Variants in HAO1 observed in about 807,000 individuals in gnomAD.
The protein encoded by HAO1 is hydroxyacid oxidase 1.
A neutral mutation model predicts 39.7 loss-of-function variants in HAO1; 34 were observed. The observed-to-expected ratio is 0.86, with a 90% CI of 0.65 to 1.14. The LOEUF is 1.14. HAO1 is among the 50% of genes most tolerant of loss of function. The pLI is 0.00. For missense variants in HAO1, 479 were observed against 464.5 expected (o/e 1.03, Z -0.29); for synonymous variants, 172 against 173.2 (o/e 0.99, Z 0.05).
intron 5 of HAO1, among the ~76,000 whole-genome samples, chr20:7,890,395 G>A (rs1374635787): frequency 6.6e-6 from 1 of 152,028 alleles, no homozygotes; most frequent in African/African-American, 2.4e-5. Flanking sequence ...TGTGTATTTA[G>A]TAGAAGCAGT....
intron 4 of HAO1, among the ~76,000 whole-genome samples, chr20:7,904,091 T>C (rs574476673): frequency 6.6e-6 from 1 of 152,356 alleles, no homozygotes; most frequent in Non-Finnish European, 1.5e-5. Flanking sequence ...CCTCCTTCTT[T>C]GTTCCTTATT....
intron 3 of HAO1, among the ~76,000 whole-genome samples, chr20:7,910,420 C>T (rs2050273622): frequency 6.6e-6 from 1 of 152,130 alleles, no homozygotes; most frequent in South Asian, 2.1e-4. Flanking sequence ...TATTACAGTT[C>T]CAAATGTCAG....
At chr20:7,927,571 TA>T (rs763836590) in intron 2 of HAO1, among the ~76,000 whole-genome samples, 48 of 149,872 alleles carry the variant, frequency 3.2e-4, no homozygotes, top group Non-Finnish European at 3.8e-4. Flanking sequence ...ATTTTTCAGT[TA>T]TTTTTTTCCA....
At chr20:7,884,969 G>A (rs1311572746) in intron 7 of HAO1, among the ~76,000 whole-genome samples, 1 of 152,196 alleles carries the variant, frequency 6.6e-6, no homozygotes, top group African/African-American at 2.4e-5. Context: ...GGCGGTGGCA[G>A]TGGAGATGAC....
At chr20:7,921,118 A>G (rs1217997103) in intron 2 of HAO1, among the ~76,000 whole-genome samples, 1 of 152,078 alleles carries the variant, frequency 6.6e-6, no homozygotes, top group Admixed American at 6.6e-5. Flanking sequence ...AACCCAATTA[A>G]AAAATAGGCA....
chr20:7,935,613 A>G (rs1174913483), intron 1 of HAO1, among the ~76,000 whole-genome samples: 1 of 152,204 alleles, frequency 6.6e-6, no homozygotes, highest in African/African-American at 2.4e-5. Context: ...TTTGACAAAA[A>G]CTGAAATTTG....
chr20:7,895,683 G>C (rs1257089754), intron 4 of HAO1, among the ~76,000 whole-genome samples: 1 of 151,482 alleles, frequency 6.6e-6, no homozygotes, highest in African/African-American at 2.4e-5. Flanking sequence ...TTAATAACAA[G>C]TTGTAATAGC....
At chr20:7,936,547 TTCGCGCGCGC>T (rs2050412067) in intron 1 of HAO1, among the ~76,000 whole-genome samples, 23 of 136,662 alleles carry the variant, frequency 1.7e-4, no homozygotes, top group Middle Eastern at 4.0e-3. Flanking sequence ...TGTGTGTGTG[TTCGCGCGCGC>T]GCGCGCGCGT....
intron 2 of HAO1, among the ~76,000 whole-genome samples, chr20:7,916,723 C>A (rs1357222835): frequency 1.3e-5 from 2 of 152,112 alleles, no homozygotes; most frequent in African/African-American, 4.8e-5. Context: ...TTTTTCAATG[C>A]CTTTGAAGAT....
chr20:7,907,041 G>T (rs1477024182), intron 3 of HAO1, among the ~76,000 whole-genome samples: 3 of 152,174 alleles, frequency 2.0e-5, no homozygotes, highest in African/African-American at 7.2e-5. Context: ...ATGACTGTCT[G>T]TTGCCCCTGT....
Position 7,889,777 on chromosome 20 carries a change from C to G in HAO1, c.814-3913G>C, listed in dbSNP as rs541266988. On this transcript the variant is annotated intron_variant, in intron 5 of 7. Transcript: ENST00000378789. ...ACCAACCTAATAGAAGTGTATAATT[C>G]ATATTGTTGTCCACTTTCTTTTTGT... Among the ~76,000 whole-genome samples, 34 of 152,268 alleles carry G rather than the reference C, an allele frequency of 2.2e-4. No homozygotes were observed. In the South Asian group the frequency reaches 7.0e-3, roughly 32 times the overall value.
intron 5 of HAO1, 58 bp downstream of exon 5, chr20:7,895,075 A>G: frequency 9.6e-7 from 1 of 1,038,578 alleles, no homozygotes; most frequent in Non-Finnish European, 1.5e-6. Flanking sequence ...TAGAGATAGT[A>G]ACACAGTGAT....
rs1292838820 is a variant in HAO1 at position 7,934,619 on chromosome 20, T to C, written c.154A>G (p.Arg52Gly). Residue 52 changes from arginine (R) to glycine (G), a missense_variant, in exon 2 of 8, where the codon AGG (arginine) becomes GGG (glycine). By Grantham distance (125) the Arg-to-Gly change is moderately radical. Coordinates refer to ENST00000378789, the MANE Select transcript of HAO1 (RefSeq NM_017545.3). ...AAFSRWKLYP[R>G]MLRNVAETDL... ...GTTTCAGCAACATTCCGGAGCATCC[T>C]TGGATACAGCTTCCATCTAGAATTA... 1.9e-6 allele frequency: 3 copies of C among 1,604,278 alleles called. No homozygotes were observed. The highest frequency in any genetic ancestry group is 2.6e-6 in the Non-Finnish European group (3 of 1,174,134).
chr20:7,896,249 G>T (rs1389612113), intron 4 of HAO1, among the ~76,000 whole-genome samples: 2 of 152,010 alleles, frequency 1.3e-5, no homozygotes, highest in Non-Finnish European at 2.9e-5. Flanking sequence ...CAAACCATTT[G>T]CTAAAAGAAT....
In HAO1 at chr20:7,885,802, C is replaced by T. The variant is rs1223217705; in HGVS notation, c.876G>A (p.Gly292=). Residue 292 remains glycine (G), a synonymous_variant, in exon 6 of 8, where the codon GGG becomes GGA. Transcript: ENST00000378789. ...VEGKVEVFLD[G]GVRKGTDVLK... The stretch of plus-strand genomic sequence containing the variant: ...GAACATCAGTGCCTTTCCGCACACC[C>T]CCGTCCAGGAAGACTTCCACCTTCC... 6.2e-7 allele frequency: 1 copy of T among 1,613,466 alleles called. No individual in the cohort carries two copies. The highest frequency in any genetic ancestry group is 1.1e-5 in the South Asian group (1 of 91,066).
intron 4 of HAO1, among the ~76,000 whole-genome samples, chr20:7,898,956 A>C (rs1232979000): frequency 2.0e-5 from 3 of 152,144 alleles, no homozygotes; most frequent in Non-Finnish European, 2.9e-5. Context: ...AAAAAAAAAA[A>C]AACAAAAAAC....
At chr20:7,911,715 A>G (rs530869850) in intron 3 of HAO1, among the ~76,000 whole-genome samples, 1 of 152,190 alleles carries the variant, frequency 6.6e-6, no homozygotes, top group Non-Finnish European at 1.5e-5. Context: ...TGGGCAGAGG[A>G]AGTAACAAGG....
rs1334057060 is a variant in HAO1, at chr20:7,934,555, A to G, written c.218T>C (p.Met73Thr). ...GGCCGTAGCCCCCACACATATTGGC[A>G]TGCTGACCCTCTGTCCTAAAACAGA... is the stretch of plus-strand genomic sequence containing the variant. ...STSVLGQRVS[M>T]PICVGATAMQ... The change falls in exon 2 of 8, where the codon ATG becomes ACG. Residue 73 changes from methionine (M) to threonine (T), a missense_variant. Transcript: ENST00000378789. 3 of 1,613,576 alleles carry G rather than the reference A, an allele frequency of 1.9e-6. No homozygotes were observed. Among genetic ancestry groups the G allele is most frequent in the Non-Finnish European group, 2.5e-6 (3 of 1,179,514 alleles).
chr20:7,894,773 C>A (rs1430075493), intron 5 of HAO1, among the ~76,000 whole-genome samples: 4 of 152,190 alleles, frequency 2.6e-5, no homozygotes, highest in Admixed American at 2.6e-4. Context: ...TCCCACAATT[C>A]TCTGTTAGCT....
Sources: gnomAD v4.1 joint callset for allele counts (sites outside exome capture counted in the v4.1 genomes callset) on GRCh38, gnomAD v4.1.1 for gene constraint, MANE v1.5 for transcripts, NCBI Gene and HGNC (gene_info 2026-07-23, HGNC 2026-07-21) for gene names.